MEGF10: variants seen among roughly 807,000 people sequenced by gnomAD.
The protein encoded by MEGF10 is multiple EGF like domains 10.
A neutral mutation model predicts 147.5 loss-of-function variants in MEGF10; 86 were observed. The observed-to-expected ratio is 0.58, with a 90% CI of 0.49 to 0.70. The LOEUF (loss-of-function observed/expected upper bound fraction) is 0.70. Ranked by LOEUF, MEGF10 falls within the 30% of genes least tolerant of loss-of-function variation. The pLI is 0.00. For missense variants in MEGF10, 1,329 were observed against 1,487.3 expected, an observed-to-expected ratio of 0.89 and a Z score of 1.75; for synonymous variants, 478 against 525.5, an observed-to-expected ratio of 0.91 and a Z score of 1.24.
At chr5:127,330,014 T>TA (rs1292693807) in intron 1 of MEGF10, among the ~76,000 whole-genome samples, 4 of 152,090 alleles carry the variant, frequency 2.6e-5, no homozygotes, top group Admixed American at 2.6e-4. Flanking sequence ...TTGACCTATC[T>TA]AAACTGAACT....
At chr5:127,258,645 G>A in the MEGF10 span, among the ~76,000 whole-genome samples, 5 of 152,216 alleles carry the variant, frequency 3.3e-5, no homozygotes, top group African/African-American at 1.2e-4. Flanking sequence ...CTGGAAGGTG[G>A]GGCCTCTAAT....
intron 5 of MEGF10, among the ~76,000 whole-genome samples, chr5:127,387,385 T>C (rs1763472196): frequency 6.6e-6 from 1 of 152,218 alleles, no homozygotes; most frequent in Non-Finnish European, 1.5e-5. Context: ...CATGATAGGA[T>C]ATTCCTTATC....
chr5:127,434,342 T>C (rs770265626), intron 14 of MEGF10, among the ~76,000 whole-genome samples: 17 of 152,198 alleles, frequency 1.1e-4, no homozygotes, highest in East Asian at 1.9e-4. Context: ...TTGAGACTTA[T>C]TAGTATTTCA....
At chr5:127,426,612 C>T (rs1055551914) in intron 13 of MEGF10, among the ~76,000 whole-genome samples, 3 of 152,086 alleles carry the variant, frequency 2.0e-5, no homozygotes, top group African/African-American at 4.8e-5. Context: ...AAATGAGGCT[C>T]GCTTTTCAAA....
At chr5:127,401,900 A>G (rs183476967) in intron 7 of MEGF10, among the ~76,000 whole-genome samples, 69 of 152,300 alleles carry the variant, frequency 4.5e-4, no homozygotes, top group Non-Finnish European at 3.8e-4. Flanking sequence ...AAGTTTTCCT[A>G]TTGATCTTGG....
chr5:127,233,311 T>C, the MEGF10 span, among the ~76,000 whole-genome samples: 1 of 152,198 alleles, frequency 6.6e-6, no homozygotes, highest in Non-Finnish European at 1.5e-5. Flanking sequence ...CCACCACACC[T>C]TCCTGGTATA....
the MEGF10 span, among the ~76,000 whole-genome samples, chr5:127,243,479 T>C: frequency 6.6e-6 from 1 of 152,208 alleles, no homozygotes; most frequent in Non-Finnish European, 1.5e-5. Context: ...GTTGAGTATG[T>C]CCAATTTTTC....
intron 18 of MEGF10, 121 bp from the exon 19 acceptor site, chr5:127,442,877 G>T: frequency 1.9e-6 from 2 of 1,030,220 alleles, no homozygotes; most frequent in Non-Finnish European, 2.8e-6. Context: ...GGGGGTACAA[G>T]TCAGCCTCAA....
At chr5:127,276,036 C>A in the MEGF10 span, among the ~76,000 whole-genome samples, 1 of 152,154 alleles carries the variant, frequency 6.6e-6, no homozygotes, top group South Asian at 2.1e-4. Flanking sequence ...GGCTGGGTAA[C>A]CAGGAAAGTC....
In MEGF10 at chr5:127,417,561, C is replaced by T. The variant is rs561350816; in HGVS notation, c.1131-77C>T. 84 of 1,428,510 alleles carry T rather than the reference C, an allele frequency of 5.9e-5. 1 individual carries two copies. The Admixed American group carries it at 1.4e-3, about 24-fold the overall frequency. The allele number at this position is 1,428,510 out of a possible 1,614,324, so 88.5% of individuals were successfully genotyped here. A position where few individuals can be genotyped will look rare whatever the true frequency, so the allele number is the denominator to read the frequency against. The stretch of plus-strand genomic sequence containing the variant: ...TTACCCACACATTTAGTGATCATTG[C>T]TAAAGCAACATTTGCACAGAAGTTG... On this transcript the variant is annotated intron_variant, in intron 9 of 24. Coordinates refer to ENST00000503335, the MANE Select transcript of MEGF10 (RefSeq NM_001256545.2).
At chr5:127,241,095 A>G in the MEGF10 span, among the ~76,000 whole-genome samples, 1 of 152,220 alleles carries the variant, frequency 6.6e-6, no homozygotes, top group Admixed American at 6.5e-5. Flanking sequence ...ATGGTTGCAC[A>G]TCTCTGGGAT....
chr5:127,254,892 A>C, the MEGF10 span, among the ~76,000 whole-genome samples: 2 of 151,614 alleles, frequency 1.3e-5, no homozygotes, highest in Non-Finnish European at 2.9e-5. Flanking sequence ...CACAGATAAA[A>C]CCAACTCACT....
intron 1 of MEGF10, among the ~76,000 whole-genome samples, chr5:127,306,817 A>G (rs1489097341): frequency 1.3e-5 from 2 of 152,140 alleles, no homozygotes; most frequent in African/African-American, 4.8e-5. Context: ...GACTCAGTTC[A>G]AGTTTTATCT....
At chr5:127,375,034 G>A (rs1762974961) in intron 5 of MEGF10, among the ~76,000 whole-genome samples, 1 of 152,180 alleles carries the variant, frequency 6.6e-6, no homozygotes, top group Non-Finnish European at 1.5e-5. Context: ...TGTCATGGGA[G>A]TATTAAGAGG....
the MEGF10 span, among the ~76,000 whole-genome samples, chr5:127,238,787 T>G: frequency 2.0e-5 from 3 of 152,252 alleles, no homozygotes; most frequent in Admixed American, 2.0e-4. Context: ...AAGTTTTGTC[T>G]GTATAAATGA....
the MEGF10 span, among the ~76,000 whole-genome samples, chr5:127,255,398 A>G: frequency 0.72 from 110,118 of 151,958 alleles, 41,288 homozygotes; most frequent in African/African-American, 0.93. Context: ...ATTCAGGCCC[A>G]TCTTATAATC....
At chr5:127,293,570 TA>T (rs1345214572) in intron 1 of MEGF10, among the ~76,000 whole-genome samples, 1 of 152,248 alleles carries the variant, frequency 6.6e-6, no homozygotes, top group African/African-American at 2.4e-5. Context: ...CAGGTGATTC[TA>T]ATGCAAAACT....
intron 13 of MEGF10, among the ~76,000 whole-genome samples, chr5:127,425,697 T>A (rs1312008509): frequency 6.6e-6 from 1 of 152,188 alleles, no homozygotes; most frequent in Non-Finnish European, 1.5e-5. Flanking sequence ...CTGGACAGAC[T>A]AATAATTTTT....
chr5:127,350,523 A>T (rs1762048217), intron 4 of MEGF10, among the ~76,000 whole-genome samples: 1 of 149,368 alleles, frequency 6.7e-6, no homozygotes, highest in African/African-American at 2.5e-5. Flanking sequence ...TCTCTCCTCC[A>T]TTTTTTCCCC....
Sources: gnomAD v4.1 joint callset for allele counts (sites outside exome capture counted in the v4.1 genomes callset) on GRCh38, gnomAD v4.1.1 for gene constraint, MANE v1.5 for transcripts, NCBI Gene and HGNC (gene_info 2026-07-23, HGNC 2026-07-21) for gene names.